Variants in NOP9 observed in about 807,000 individuals in gnomAD.
NOP9 encodes the protein nucleolar protein 9.
A neutral mutation model predicts 63.0 loss-of-function variants in NOP9; 50 were observed. The observed-to-expected ratio is 0.79, with a 90% CI of 0.63 to 1.00. The LOEUF (loss-of-function observed/expected upper bound fraction) is 1.00, where lower values mean the gene tolerates loss of function less well. Ranked by LOEUF, NOP9 falls within the 50% of genes least tolerant of loss-of-function variation. The pLI is 0.00. For missense variants in NOP9, 758 were observed against 803.0 expected, an observed-to-expected ratio of 0.94 and a Z score of 0.68; for synonymous variants, 343 against 332.8, an observed-to-expected ratio of 1.03 and a Z score of -0.33.
chr14:24,296,771 A>T (rs369620999), upstream of NOP9: 2 of 1,614,232 alleles, frequency 1.2e-6, no homozygotes, highest in Non-Finnish European at 1.7e-6. Context: ...TGACCAGCAC[A>T]TCTAGACGCC....
upstream of NOP9, chr14:24,299,340 G>A: frequency 1.9e-6 from 1 of 519,558 alleles, no homozygotes; most frequent in Non-Finnish European, 3.5e-6. Flanking sequence ...GTGAAGAAGG[G>A]GCTGAGTGGG....
rs1055432848 is a variant in NOP9 at position 24,307,299 on chromosome 14, T to C, written c.*2204T>C. On this transcript the variant is annotated 3_prime_UTR_variant, in exon 10 of 10. Transcript: ENST00000267425. The stretch of plus-strand genomic sequence containing the variant: ...GTGACTTCAGCCCTCTGCTCCATCA[T>C]CACAAGTTGCCACTGTTGTGGAGCC... 2.0e-6 allele frequency: 3 copies of C among 1,512,394 alleles called. No homozygotes were observed. The highest frequency in any genetic ancestry group is 2.7e-6 in the Non-Finnish European group (3 of 1,112,742). 93.7% of individuals were successfully genotyped at this position (1,512,394 alleles called of 1,614,324 possible).
chr14:24,303,056 T>G lies in NOP9; in HGVS notation c.1144-18T>G. The G allele has an allele frequency of 6.6e-6, 10 of 1,505,740 alleles. No homozygotes were observed. Among genetic ancestry groups the G allele is most frequent in the Non-Finnish European group, 8.0e-6 (9 of 1,129,878 alleles). The allele number at this position is 1,505,740 out of a possible 1,614,324, so 93.3% of individuals were successfully genotyped here. A position where few individuals can be genotyped will look rare whatever the true frequency, so the allele number is the denominator to read the frequency against. ...CCATTACCAGAATGCCAGAGTTACA[T>G]TCCATGTTTCCCATCAGCTGTCCCC... is the stretch of plus-strand genomic sequence containing the variant. On this transcript the variant is annotated intron_variant, in intron 5 of 9. Transcript: ENST00000267425.
rs1257766495 is a variant in NOP9 at position 24,306,563 on chromosome 14, C to T, written c.*1468C>T. ...GAAGCAAGAAGGGCAGGTCTTATCC[C>T]ATGCCCCTTCCCTCTTTAGCTGCCC... On this transcript the variant is annotated 3_prime_UTR_variant, in exon 10 of 10. Transcript: ENST00000267425. 5 of 1,613,296 alleles carry T rather than the reference C, an allele frequency of 3.1e-6. No homozygotes were observed. The South Asian group carries it at 5.5e-5, about 18-fold the overall frequency.
chr14:24,306,703 G>C lies in NOP9; in HGVS notation c.*1608G>C, dbSNP rs1342494869. Reference sequence around the variant, plus strand: ...GTTCTTCAGTTTTTGGGGGATCCTAGCTAGAGGCTGACCTTTTTCCTCTTT... The same window carrying C: ...GTTCTTCAGTTTTTGGGGGATCCTACCTAGAGGCTGACCTTTTTCCTCTTT... On this transcript the variant is annotated 3_prime_UTR_variant, in exon 10 of 10. Coordinates refer to ENST00000267425, the MANE Select transcript of NOP9 (RefSeq NM_174913.3). 4 of 685,578 alleles carry C rather than the reference G, an allele frequency of 5.8e-6. No individual in the cohort carries two copies. In the Admixed American group the frequency reaches 1.1e-4, roughly 19 times the overall value. The allele number at this position is 685,578 out of a possible 1,614,324, so 42.5% of individuals were successfully genotyped here.
the NOP9 span, chr14:24,291,573 A>G: frequency 6.2e-7 from 1 of 1,614,092 alleles, no homozygotes; most frequent in African/African-American, 1.3e-5. Context: ...CAAAGCCACC[A>G]CACATTTGCC....
chr14:24,304,650 C>T (rs749242735), intron 9 of NOP9, 52 bp downstream of exon 9: 20 of 1,359,254 alleles, frequency 1.5e-5, no homozygotes, highest in Non-Finnish European at 1.4e-5. Context: ...CTCTCTTACT[C>T]CAGATCACTG....
At chr14:24,300,997 G>A in intron 2 of NOP9, 140 bp downstream of exon 2, 2 of 705,730 alleles carry the variant, frequency 2.8e-6, no homozygotes, top group Non-Finnish European at 4.7e-6. Flanking sequence ...ATCTGAACAG[G>A]GCTTAGCAAG....
At chr14:24,275,650 G>A in the NOP9 span, among the ~76,000 whole-genome samples, 1 of 152,258 alleles carries the variant, frequency 6.6e-6, no homozygotes, top group Admixed American at 6.5e-5. Context: ...GGGAGGAAAG[G>A]GGGCCACGAG....
At chr14:24,302,163 G>T in intron 4 of NOP9, 57 bp downstream of exon 4, 1 of 1,602,216 alleles carries the variant, frequency 6.2e-7, no homozygotes, top group African/African-American at 1.3e-5. Context: ...AAATGAATGA[G>T]GTGATGTAGT....
chr14:24,291,271 A>G, the NOP9 span: 3 of 1,589,134 alleles, frequency 1.9e-6, no homozygotes, highest in Non-Finnish European at 2.6e-6. Context: ...ATGCAGAGTG[A>G]CAAGGTTTGG....
chr14:24,272,414 C>T, the NOP9 span, among the ~76,000 whole-genome samples: 71 of 152,168 alleles, frequency 4.7e-4, no homozygotes, highest in Non-Finnish European at 9.1e-4. Context: ...TTTATGTTTT[C>T]TATTGTAGTG....
At chr14:24,301,544 T>C in intron 2 of NOP9, 68 bp from the exon 3 acceptor site, 1 of 1,596,260 alleles carries the variant, frequency 6.3e-7, no homozygotes, top group Admixed American at 1.7e-5. Context: ...TGTTCATCTG[T>C]GAAATTTTTC....
At chr14:24,292,262 C>T in the NOP9 span, 5 of 1,614,190 alleles carry the variant, frequency 3.1e-6, no homozygotes, top group Non-Finnish European at 3.4e-6. Context: ...CAATCCCCGG[C>T]CACAGAGACA....
chr14:24,304,368 G>C, intron 8 of NOP9, 91 bp downstream of exon 8: 1 of 1,313,090 alleles, frequency 7.6e-7, no homozygotes, highest in South Asian at 1.2e-5. Flanking sequence ...ACTCAAAAAG[G>C]CTATGTAATT....
chr14:24,305,806 A>C lies in NOP9; in HGVS notation c.*711A>C. 6.2e-7 allele frequency: 1 copy of C among 1,605,826 alleles called. No individual in the cohort carries two copies. The highest frequency in any genetic ancestry group is 8.5e-7 in the Non-Finnish European group (1 of 1,175,210). On this transcript the variant is annotated 3_prime_UTR_variant, in exon 10 of 10. Coordinates refer to ENST00000267425, the MANE Select transcript of NOP9 (RefSeq NM_174913.3). ...AAGAGGAAATCAGATGATTTGGAAA[A>C]CTTGGGAGGAAGCCATCAAGCTGGG...
chr14:24,299,783 G>A (rs1055115705), upstream of NOP9: 1 of 793,072 alleles, frequency 1.3e-6, no homozygotes, highest in Non-Finnish European at 1.9e-6. Flanking sequence ...AGCGATCTGG[G>A]TGACACACCC....
At chr14:24,291,443 G>GA in the NOP9 span, 333 of 1,263,248 alleles carry the variant, frequency 2.6e-4, 1 homozygote, top group African/African-American at 4.2e-3. Context: ...AAAAAGCAGA[G>GA]AAAAGAATGA....
chr14:24,305,186 C>T lies in NOP9; in HGVS notation c.*91C>T. The T allele has an allele frequency of 1.6e-6, 2 of 1,217,138 alleles. No individual in the cohort carries two copies. The highest frequency in any genetic ancestry group is 5.9e-5 in the East Asian group (2 of 33,800). The allele number at this position is 1,217,138 out of a possible 1,614,324, so 75.4% of individuals were successfully genotyped here. On this transcript the variant is annotated 3_prime_UTR_variant, in exon 10 of 10. Transcript: ENST00000267425. ...CCTGGTTTAAATTGGAGTCAGAAGTCTTAGTGGTAAATATTTGATATTTTT... is the reference window on the plus strand; with the variant it reads ...CCTGGTTTAAATTGGAGTCAGAAGTTTTAGTGGTAAATATTTGATATTTTT...
Sources: allele counts gnomAD v4.1 joint callset (sites outside exome capture counted in the v4.1 genomes callset), GRCh38; gene constraint gnomAD v4.1.1; transcripts MANE v1.5; gene names NCBI Gene and HGNC (gene_info 2026-07-23, HGNC 2026-07-21).